Variants in EYS observed in about 807,000 individuals in gnomAD.
The protein encoded by EYS is protein eyes shut homolog.
Under a neutral mutation model 282.1 loss-of-function variants are expected in EYS, and 250 were observed. The observed-to-expected ratio is 0.89, with a 90% CI of 0.80 to 0.98. The LOEUF is 0.98. Among genes scored for constraint, EYS ranks in the 50% least tolerant of loss-of-function variants. EYS has a pLI of 0.00. For missense variants in EYS, 4,016 were observed against 3,709.0 expected (o/e 1.08, Z -2.15); for synonymous variants, 1,355 against 1,282.9 (o/e 1.06, Z -1.20).
intron 26 of EYS, among the ~76,000 whole-genome samples, chr6:64,458,492 C>T (rs1333566008): frequency 6.6e-6 from 1 of 151,956 alleles, no homozygotes; most frequent in Non-Finnish European, 1.5e-5. Context: ...AGCACTTTGA[C>T]TCTATCATTC....
chr6:65,091,371 AT>A lies in EYS; in HGVS notation c.2024-33645del, dbSNP rs1774558266. ...AGACTGAGGCAGGAGAATCATTTGA[AT>A]TTGCGGGGCAGAGGTTACAGTGAGC... On this transcript the variant is annotated intron_variant, in intron 12 of 42. Coordinates refer to ENST00000503581, the MANE Select transcript of EYS (RefSeq NM_001142800.2). Among the ~76,000 whole-genome samples, 4 of 151,200 alleles carry A rather than the reference AT, an allele frequency of 2.6e-5. No homozygotes were observed. The South Asian group carries it at 8.4e-4, about 32-fold the overall frequency.
chr6:65,588,443 G>A (rs1345565857), intron 2 of EYS, among the ~76,000 whole-genome samples: 1 of 152,038 alleles, frequency 6.6e-6, no homozygotes, highest in Non-Finnish European at 1.5e-5. Context: ...GGAGATGGCA[G>A]AAGCAGTTTT....
chr6:63,791,386 A>G (rs778232519), intron 37 of EYS, among the ~76,000 whole-genome samples: 2 of 152,182 alleles, frequency 1.3e-5, no homozygotes, highest in Non-Finnish European at 2.9e-5. Context: ...CATCCTGGCT[A>G]ACACGGTGAA....
chr6:65,281,188 A>G (rs1490405832), intron 12 of EYS, among the ~76,000 whole-genome samples: 1 of 151,346 alleles, frequency 6.6e-6, no homozygotes, highest in Non-Finnish European at 1.5e-5. Flanking sequence ...CTCATTAAGC[A>G]ACATTATTAA....
intron 33 of EYS, among the ~76,000 whole-genome samples, chr6:64,014,308 A>G (rs539003786): frequency 4.6e-5 from 7 of 151,654 alleles, no homozygotes; most frequent in Non-Finnish European, 1.0e-4. Flanking sequence ...TTTTTTTTTT[A>G]CAAAGATATG....
rs57255670 is a variant in EYS, at chr6:64,014,779, ATTT to A, written c.6726-15599_6726-15597del. On this transcript the variant is annotated intron_variant, in intron 33 of 42. Coordinates refer to ENST00000503581, the MANE Select transcript of EYS (RefSeq NM_001142800.2). ...GGCTTGGCTTATTTAGTCTTTTTTT[ATTT>A]TTTTTTTTTTTGGTTTCTGAGGTTT... Among the ~76,000 whole-genome samples the A allele has an allele frequency of 5.6e-3, 812 of 144,348 alleles. 8 individuals carry two copies. The highest frequency in any genetic ancestry group is 0.019 in the African/African-American group (763 of 40,110). 94.7% of individuals were successfully genotyped at this position (144,348 alleles called of 152,430 possible).
intron 5 of EYS, among the ~76,000 whole-genome samples, chr6:65,413,595 C>T (rs1332132428): frequency 2.6e-5 from 4 of 152,066 alleles, no homozygotes; most frequent in Admixed American, 6.6e-5. Context: ...TGCTGTGGCT[C>T]ACACCTATAA....
chr6:65,415,670 G>A (rs539166363), intron 5 of EYS, among the ~76,000 whole-genome samples: 91 of 152,040 alleles, frequency 6.0e-4, no homozygotes, highest in Non-Finnish European at 6.0e-4. Context: ...GTTAACTGGT[G>A]GCATCCAGGC....
intron 28 of EYS, among the ~76,000 whole-genome samples, chr6:64,398,914 T>C (rs1260945991): frequency 6.6e-6 from 1 of 151,846 alleles, no homozygotes; most frequent in African/African-American, 2.4e-5. Context: ...AGAAGCAAAC[T>C]AGAAGCTTTC....
At chr6:65,174,027 G>T (rs761093402) in intron 12 of EYS, among the ~76,000 whole-genome samples, 24 of 150,922 alleles carry the variant, frequency 1.6e-4, no homozygotes, top group Non-Finnish European at 3.3e-4. Flanking sequence ...AATAAAATGA[G>T]AAATAGGACA....
intron 30 of EYS, among the ~76,000 whole-genome samples, chr6:64,258,362 T>G (rs1370943355): frequency 1.3e-5 from 2 of 151,936 alleles, no homozygotes; most frequent in African/African-American, 4.8e-5. Context: ...GCTGGCCTAA[T>G]GAGAATGGCA....
At chr6:64,332,515 C>T (rs565033543) in intron 29 of EYS, among the ~76,000 whole-genome samples, 1 of 152,164 alleles carries the variant, frequency 6.6e-6, no homozygotes, top group East Asian at 1.9e-4. Context: ...TACCTCACTG[C>T]TGTTGAAGTT....
intron 35 of EYS, among the ~76,000 whole-genome samples, chr6:63,982,040 T>G (rs1462343857): frequency 6.6e-6 from 1 of 151,890 alleles, no homozygotes; most frequent in East Asian, 1.9e-4. Context: ...TAACTGAGAT[T>G]GGAATTAATG....
chr6:63,746,070 C>T lies in EYS; in HGVS notation c.8071+16391G>A, dbSNP rs76736483. Among the ~76,000 whole-genome samples, 1,330 of 152,168 alleles carry T rather than the reference C, an allele frequency of 8.7e-3. 8 individuals are homozygous for T. The highest frequency in any genetic ancestry group is 0.015 in the Non-Finnish European group (1,025 of 67,982). On this transcript the variant is annotated intron_variant, in intron 41 of 42. Coordinates refer to ENST00000503581, the MANE Select transcript of EYS (RefSeq NM_001142800.2). ...AATACATTTTTATTGCTTGAGCCACCCAGTCTGTGGTATTTTGAGATACTT... is the reference window on the plus strand; with the variant it reads ...AATACATTTTTATTGCTTGAGCCACTCAGTCTGTGGTATTTTGAGATACTT...
intron 29 of EYS, among the ~76,000 whole-genome samples, chr6:64,387,266 A>C (rs1295177868): frequency 6.6e-6 from 1 of 152,104 alleles, no homozygotes; most frequent in Non-Finnish European, 1.5e-5. Context: ...TTCTAATTAC[A>C]ACTCCTCTAC....
At chr6:64,055,811 G>T (rs1178709010) in intron 33 of EYS, among the ~76,000 whole-genome samples, 1 of 152,162 alleles carries the variant, frequency 6.6e-6, no homozygotes, top group Non-Finnish European at 1.5e-5. Flanking sequence ...AGGGAATTTA[G>T]CTCCCTGGTT....
intron 19 of EYS, among the ~76,000 whole-genome samples, chr6:64,864,756 G>T: frequency 6.6e-6 from 1 of 151,588 alleles, no homozygotes; most frequent in East Asian, 2.0e-4. Context: ...TAATAATGGG[G>T]CAGGCGCAGT....
intron 26 of EYS, among the ~76,000 whole-genome samples, chr6:64,473,048 A>G (rs1311760196): frequency 1.3e-5 from 2 of 152,156 alleles, no homozygotes; most frequent in Non-Finnish European, 2.9e-5. Context: ...TATGTTTATG[A>G]TAGTTACTAT....
At chr6:65,482,942 T>C (rs1338539573) in intron 5 of EYS, among the ~76,000 whole-genome samples, 1 of 152,190 alleles carries the variant, frequency 6.6e-6, no homozygotes, top group African/African-American at 2.4e-5. Flanking sequence ...AAATGTGTCA[T>C]TAACTAATAA....
Sources: gnomAD v4.1 joint callset for allele counts (sites outside exome capture counted in the v4.1 genomes callset) on GRCh38, gnomAD v4.1.1 for gene constraint, MANE v1.5 for transcripts, NCBI Gene and HGNC (gene_info 2026-07-23, HGNC 2026-07-21) for gene names.